TOX: variants seen among roughly 807,000 people sequenced by gnomAD.
The protein encoded by TOX is thymocyte selection-associated high mobility group box protein TOX.
A neutral mutation model predicts 53.7 loss-of-function variants in TOX; 11 were observed. The ratio of observed to expected loss-of-function variants is 0.20; its 90% CI spans 0.13 to 0.34. The LOEUF (loss-of-function observed/expected upper bound fraction) is 0.34. Ranked by LOEUF, TOX falls within the 10% of genes least tolerant of loss-of-function variation. The pLI is 1.00. For synonymous variants in TOX, 225 were observed against 245.3 expected (o/e 0.92, Z 0.77); for missense variants, 570 against 664.6 (o/e 0.86, Z 1.56).
At chr8:59,055,891 A>G (rs972594977) in intron 1 of TOX, among the ~76,000 whole-genome samples, 2 of 152,152 alleles carry the variant, frequency 1.3e-5, no homozygotes, top group African/African-American at 4.8e-5. Flanking sequence ...AACTTAAACA[A>G]GACTACAGGG....
At chr8:58,960,113 C>A in intron 1 of TOX, 105 bp from the exon 2 acceptor site, 1 of 1,266,248 alleles carries the variant, frequency 7.9e-7, no homozygotes, top group Non-Finnish European at 1.1e-6. Flanking sequence ...AAAACAGTAG[C>A]CATAAAAAAT....
intron 1 of TOX, among the ~76,000 whole-genome samples, chr8:58,986,016 C>T (rs1813322306): frequency 6.6e-6 from 1 of 152,132 alleles, no homozygotes; most frequent in South Asian, 2.1e-4. Context: ...TTTATGTGCT[C>T]TGATTATTGT....
chr8:58,969,596 T>A (rs1812965387), intron 1 of TOX, among the ~76,000 whole-genome samples: 1 of 152,222 alleles, frequency 6.6e-6, no homozygotes, highest in Admixed American at 6.5e-5. Flanking sequence ...TTGCTTTAGT[T>A]TAAGGCTTCA....
chr8:59,088,085 C>A (rs956555003), intron 1 of TOX, among the ~76,000 whole-genome samples: 2 of 152,052 alleles, frequency 1.3e-5, no homozygotes, highest in African/African-American at 4.8e-5. Context: ...TAAAAAAACA[C>A]ATTTTTGGCA....
intron 3 of TOX, among the ~76,000 whole-genome samples, chr8:58,932,228 G>A (rs1812266562): frequency 6.6e-6 from 1 of 151,872 alleles, no homozygotes. Context: ...CAGTATTAAA[G>A]TGGTTTAACG....
At chr8:58,952,984 G>A (rs1419351539) in intron 2 of TOX, among the ~76,000 whole-genome samples, 1 of 152,110 alleles carries the variant, frequency 6.6e-6, no homozygotes, top group African/African-American at 2.4e-5. Flanking sequence ...ATCCGCTGGC[G>A]AGGTTGATAT....
chr8:59,109,327 A>G (rs931675860), intron 1 of TOX, among the ~76,000 whole-genome samples: 7 of 152,166 alleles, frequency 4.6e-5, no homozygotes, highest in Non-Finnish European at 1.0e-4. Context: ...ATGAATATAT[A>G]TTAATCTCTT....
At chr8:58,893,238 C>T (rs1040223573) in intron 3 of TOX, among the ~76,000 whole-genome samples, 19 of 152,126 alleles carry the variant, frequency 1.2e-4, no homozygotes, top group African/African-American at 3.9e-4. Context: ...GACAAACATA[C>T]TCCTGTAATT....
chr8:58,996,517 G>A (rs1416380488), intron 1 of TOX, among the ~76,000 whole-genome samples: 1 of 152,096 alleles, frequency 6.6e-6, no homozygotes, highest in Non-Finnish European at 1.5e-5. Flanking sequence ...ATTTAATAAT[G>A]AATGAAAAAA....
intron 3 of TOX, among the ~76,000 whole-genome samples, chr8:58,867,484 C>T (rs1050207741): frequency 1.3e-5 from 2 of 152,170 alleles, no homozygotes; most frequent in African/African-American, 2.4e-5. Flanking sequence ...GGGCAGCCTC[C>T]TCTAAGAGGC....
intron 3 of TOX, among the ~76,000 whole-genome samples, chr8:58,896,112 T>C (rs1009062677): frequency 1.2e-4 from 19 of 152,218 alleles, no homozygotes; most frequent in African/African-American, 4.6e-4. Flanking sequence ...TTCACCAAAT[T>C]GCATTGCTTC....
At chr8:58,845,344 C>T (rs1810704920) in intron 4 of TOX, among the ~76,000 whole-genome samples, 5 of 152,088 alleles carry the variant, frequency 3.3e-5, no homozygotes, top group Admixed American at 3.3e-4. Flanking sequence ...AAACTCCTCT[C>T]CATAGAAACA....
chr8:58,847,272 G>A (rs564845031), intron 4 of TOX, among the ~76,000 whole-genome samples: 1 of 152,058 alleles, frequency 6.6e-6, no homozygotes, highest in African/African-American at 2.4e-5. Flanking sequence ...GCAAAAGAGG[G>A]TATAAAACAA....
chr8:58,918,676 T>G (rs1010392707), intron 3 of TOX, among the ~76,000 whole-genome samples: 1 of 58,110 alleles, frequency 1.7e-5, no homozygotes, highest in African/African-American at 7.3e-5. Flanking sequence ...ACCGCTCCTA[T>G]TCAACATAGT....
At chr8:58,884,588 T>C (rs1267779855) in intron 3 of TOX, among the ~76,000 whole-genome samples, 5 of 152,150 alleles carry the variant, frequency 3.3e-5, no homozygotes, top group African/African-American at 1.2e-4. Context: ...CTACCCAAAT[T>C]GTGCTGGCTT....
chr8:58,944,242 A>G (rs1447001099), intron 2 of TOX, among the ~76,000 whole-genome samples: 1 of 152,140 alleles, frequency 6.6e-6, no homozygotes, highest in Non-Finnish European at 1.5e-5. Context: ...TGTGGGTTAG[A>G]GTGGAGTGAA....
intron 1 of TOX, among the ~76,000 whole-genome samples, chr8:58,997,229 A>G (rs1813576364): frequency 6.6e-6 from 1 of 152,212 alleles, no homozygotes; most frequent in South Asian, 2.1e-4. Context: ...TCACAAATAG[A>G]TTTGATGACA....
rs530606049 is a variant in TOX, at chr8:58,981,625, C to T, written c.103-21617G>A. ...TGAGTTTCCATCACATTTTCCACCT[C>T]ACCTCTTCCAAACATTTTTTCTGAT... is the stretch of plus-strand genomic sequence containing the variant. On this transcript the variant is annotated intron_variant, in intron 1 of 8. Coordinates refer to ENST00000361421, the MANE Select transcript of TOX (RefSeq NM_014729.3). Among the ~76,000 whole-genome samples, 5 of 152,254 alleles carry T rather than the reference C, an allele frequency of 3.3e-5. No homozygotes were observed. The South Asian group carries it at 1.0e-3, about 32-fold the overall frequency.
chr8:59,046,858 C>CAAAAAAAAAAAAAAAA (rs34869193), intron 1 of TOX, among the ~76,000 whole-genome samples: 3 of 77,910 alleles, frequency 3.9e-5, no homozygotes, highest in Admixed American at 1.8e-4. Context: ...GACTATGTCT[C>CAAAAAAAAAAAAAAAA]AAAAAAAAAA....
Sources: allele counts gnomAD v4.1 joint callset (sites outside exome capture counted in the v4.1 genomes callset), GRCh38; gene constraint gnomAD v4.1.1; transcripts MANE v1.5; gene names NCBI Gene and HGNC (gene_info 2026-07-23, HGNC 2026-07-21).